Variants in DPYD observed in about 807,000 individuals in gnomAD.
DPYD encodes dihydropyrimidine dehydrogenase [NADP(+)].
In DPYD, 109 loss-of-function variants were observed where a neutral mutation model predicts 116.2. The ratio of observed to expected loss-of-function variants is 0.94; its 90% CI spans 0.80 to 1.10. The LOEUF (loss-of-function observed/expected upper bound fraction) is 1.10. DPYD is among the 50% of genes least tolerant of loss of function. DPYD has a pLI of 0.00. For missense variants in DPYD, 1,302 were observed against 1,254.5 expected (o/e 1.04, Z -0.57); for synonymous variants, 440 against 432.0 (o/e 1.02, Z -0.23).
chr1:97,552,027 C>T (rs796272858), intron 11 of DPYD, among the ~76,000 whole-genome samples: 48 of 152,084 alleles, frequency 3.2e-4, no homozygotes, highest in African/African-American at 1.1e-3. Flanking sequence ...GACTTAAGAG[C>T]ATAGATGGAT....
intron 12 of DPYD, among the ~76,000 whole-genome samples, chr1:97,519,938 G>A (rs1570888514): frequency 6.6e-6 from 1 of 151,904 alleles, no homozygotes; most frequent in African/African-American, 2.4e-5. Context: ...GACACTTATA[G>A]ATCATAAAAA....
chr1:97,231,734 T>A (rs1253367394), intron 19 of DPYD, among the ~76,000 whole-genome samples: 3 of 152,022 alleles, frequency 2.0e-5, no homozygotes, highest in Non-Finnish European at 4.4e-5. Flanking sequence ...TAAAAAAAAA[T>A]ATTTAAAAAT....
chr1:97,131,587 G>A (rs535711323), intron 20 of DPYD, among the ~76,000 whole-genome samples: 2 of 152,250 alleles, frequency 1.3e-5, no homozygotes, highest in Non-Finnish European at 2.9e-5. Context: ...CAAGAGCAGT[G>A]GAAGCTGAAG....
At chr1:97,450,574 C>A (rs1336213545) in intron 13 of DPYD, among the ~76,000 whole-genome samples, 2 of 151,712 alleles carry the variant, frequency 1.3e-5, no homozygotes, top group East Asian at 1.9e-4. Context: ...TTTATCATTT[C>A]TGTCTATTTA....
chr1:97,272,390 T>C (rs914741859), intron 18 of DPYD, among the ~76,000 whole-genome samples: 2 of 152,092 alleles, frequency 1.3e-5, no homozygotes, highest in Non-Finnish European at 1.5e-5. Flanking sequence ...TGTTAAGAAG[T>C]TCATTTCCGT....
At chr1:97,474,070 T>C (rs1314648074) in intron 13 of DPYD, among the ~76,000 whole-genome samples, 1 of 150,998 alleles carries the variant, frequency 6.6e-6, no homozygotes, top group Non-Finnish European at 1.5e-5. Flanking sequence ...TATAAAAGTT[T>C]CTCAAAAAAT....
chr1:97,290,060 G>A (rs1177887729), intron 18 of DPYD, among the ~76,000 whole-genome samples: 2 of 152,132 alleles, frequency 1.3e-5, no homozygotes, highest in East Asian at 1.9e-4. Flanking sequence ...CAGACAGAGA[G>A]CCAAATCATG....
intron 8 of DPYD, among the ~76,000 whole-genome samples, chr1:97,654,773 G>A (rs866098073): frequency 5.9e-5 from 9 of 152,070 alleles, no homozygotes; most frequent in African/African-American, 1.2e-4. Context: ...TCATGCTGCC[G>A]ATAAACATAT....
intron 20 of DPYD, among the ~76,000 whole-genome samples, chr1:97,144,299 G>A (rs576877573): frequency 6.6e-6 from 1 of 152,280 alleles, no homozygotes; most frequent in African/African-American, 2.4e-5. Context: ...GGTGTATGAA[G>A]CAAGCTAAAC....
chr1:97,282,395 A>C (rs1267223359), intron 18 of DPYD, among the ~76,000 whole-genome samples: 2 of 151,992 alleles, frequency 1.3e-5, no homozygotes, highest in Admixed American at 1.3e-4. Context: ...GCTTTCCTTT[A>C]CCATTTTCTC....
At chr1:97,273,623 T>C (rs757098885) in intron 18 of DPYD, among the ~76,000 whole-genome samples, 17 of 152,304 alleles carry the variant, frequency 1.1e-4, no homozygotes, top group East Asian at 1.9e-4. Context: ...TCTAGGAATA[T>C]AGACATTGTC....
rs1434809487 is a variant in DPYD, at chr1:97,229,587, T to TATATAAAA, written c.2442+5264_2442+5265insTTTTATAT. On this transcript the variant is annotated intron_variant, in intron 19 of 22. Coordinates refer to ENST00000370192, the MANE Select transcript of DPYD (RefSeq NM_000110.4). Reference sequence around the variant, plus strand: ...ATATATATATATATATATATATATATATACTGATTTTAATTCATACTTTAG... The same window carrying TATATAAAA: ...ATATATATATATATATATATATATATATATAAAAATACTGATTTTAATTCATACTTTAG... Among the ~76,000 whole-genome samples the TATATAAAA allele has an allele frequency of 1.2e-3, 78 of 64,656 alleles. 1 individual carries two copies. The highest frequency in any genetic ancestry group is 4.1e-3 in the African/African-American group (71 of 17,276). The allele number at this position is 64,656 out of a possible 152,430, so 42.4% of individuals were successfully genotyped here. A position where few individuals can be genotyped will look rare whatever the true frequency, so the allele number is the denominator to read the frequency against.
intron 1 of DPYD, among the ~76,000 whole-genome samples, chr1:97,885,423 G>A (rs1672433289): frequency 6.6e-6 from 1 of 151,948 alleles, no homozygotes; most frequent in Non-Finnish European, 1.5e-5. Context: ...TGATATCTTA[G>A]CTGATTTTAT....
chr1:97,230,898 C>T (rs897331124), intron 19 of DPYD, among the ~76,000 whole-genome samples: 1 of 152,174 alleles, frequency 6.6e-6, no homozygotes, highest in Non-Finnish European at 1.5e-5. Flanking sequence ...CTTGCAGTTC[C>T]AGTTCCAGGG....
At chr1:97,290,725 TA>T (rs1666083704) in intron 18 of DPYD, among the ~76,000 whole-genome samples, 1 of 151,528 alleles carries the variant, frequency 6.6e-6, no homozygotes, top group Non-Finnish European at 1.5e-5. Flanking sequence ...CCTAAAACCA[TA>T]AAAACCCTAG....
At chr1:97,519,034 T>C (rs1648446699) in intron 12 of DPYD, among the ~76,000 whole-genome samples, 1 of 152,178 alleles carries the variant, frequency 6.6e-6, no homozygotes, top group Non-Finnish European at 1.5e-5. Context: ...AGATGACCTT[T>C]AATTTTTAAA....
chr1:97,503,756 G>T (rs1325868369), intron 13 of DPYD, among the ~76,000 whole-genome samples: 2 of 151,684 alleles, frequency 1.3e-5, no homozygotes, highest in African/African-American at 4.8e-5. Context: ...AAAACCTGCT[G>T]CCATATTAAA....
In DPYD at chr1:97,747,620, G is replaced by T. The variant is rs114795249; in HGVS notation, c.234-7141C>A. Among the ~76,000 whole-genome samples the T allele has an allele frequency of 2.1e-3, 319 of 152,296 alleles. 1 individual carries two copies. Among genetic ancestry groups the T allele is most frequent in the African/African-American group, 7.5e-3 (313 of 41,562 alleles). Reference sequence around the variant, plus strand: ...GTCTATATTTAGCATAAGTCAGTCAGATAATACATAGCATATATGTATGTA... The same window carrying T: ...GTCTATATTTAGCATAAGTCAGTCATATAATACATAGCATATATGTATGTA... On this transcript the variant is annotated intron_variant, in intron 3 of 22. Transcript: ENST00000370192.
chr1:97,691,424 C>A, intron 7 of DPYD: 1 of 266,814 alleles, frequency 3.7e-6, no homozygotes, highest in South Asian at 5.7e-5. Context: ...AAACCAAATC[C>A]TTCTATTAGC....
Sources: allele counts gnomAD v4.1 joint callset (sites outside exome capture counted in the v4.1 genomes callset), GRCh38; gene constraint gnomAD v4.1.1; transcripts MANE v1.5; gene names NCBI Gene and HGNC (gene_info 2026-07-23, HGNC 2026-07-21).